The following ARHGEF3 variants were observed in gnomAD, a reference collection of about 807,000 sequenced individuals.
ARHGEF3 encodes 59.8 kDA protein.
ARHGEF3 carries 28 observed loss-of-function variants against 63.2 expected under a neutral mutation model. The ratio of observed to expected loss-of-function variants is 0.44; its 90% CI spans 0.33 to 0.61. The LOEUF (loss-of-function observed/expected upper bound fraction) is 0.61, where lower values mean the gene tolerates loss of function less well. Among genes scored for constraint, ARHGEF3 ranks in the 20% least tolerant of loss-of-function variants. ARHGEF3 has a pLI of 0.03. For missense variants in ARHGEF3, 533 were observed against 659.3 expected, an observed-to-expected ratio of 0.81 and a Z score of 2.10; for synonymous variants, 266 against 254.2, an observed-to-expected ratio of 1.05 and a Z score of -0.44.
chr3:57,043,560 G>C (rs1466081794), intron 1 of ARHGEF3, among the ~76,000 whole-genome samples: 3 of 151,794 alleles, frequency 2.0e-5, no homozygotes, highest in Non-Finnish European at 1.5e-5. Flanking sequence ...ATATACAGTT[G>C]TAAGAGGAAG....
chr3:56,903,087 CACAGAG>C (rs1560036264), intron 3 of ARHGEF3, among the ~76,000 whole-genome samples: 1 of 143,194 alleles, frequency 7.0e-6, no homozygotes, highest in Non-Finnish European at 1.6e-5. Context: ...CACACACACA[CACAGAG>C]AGAGAGAGAG....
chr3:57,025,347 C>T (rs1477435032), intron 2 of ARHGEF3, among the ~76,000 whole-genome samples: 2 of 152,156 alleles, frequency 1.3e-5, no homozygotes, highest in Non-Finnish European at 2.9e-5. Context: ...CAATGATCCA[C>T]GATTTACCAA....
At chr3:57,011,604 G>T (rs1341519529) in intron 2 of ARHGEF3, among the ~76,000 whole-genome samples, 1 of 152,072 alleles carries the variant, frequency 6.6e-6, no homozygotes, top group African/African-American at 2.4e-5. Flanking sequence ...CCAACCCAAG[G>T]ATTCAATAGT....
At chr3:57,002,691 C>CA (rs1702302870) in intron 2 of ARHGEF3, among the ~76,000 whole-genome samples, 1 of 148,612 alleles carries the variant, frequency 6.7e-6, no homozygotes, top group African/African-American at 2.5e-5. Flanking sequence ...TTTCGTCACC[C>CA]AGGAATTAAG....
chr3:56,909,783 C>T (rs113656070), intron 3 of ARHGEF3, among the ~76,000 whole-genome samples: 72 of 152,308 alleles, frequency 4.7e-4, no homozygotes, highest in African/African-American at 1.6e-3. Flanking sequence ...ACACAATACA[C>T]ACTCAGTAAA....
intron 1 of ARHGEF3, among the ~76,000 whole-genome samples, chr3:57,077,522 A>G (rs2107434285): frequency 6.6e-6 from 1 of 152,314 alleles, no homozygotes; most frequent in South Asian, 2.1e-4. Context: ...CTAAATTGCC[A>G]AGAAGAAAGA....
intron 3 of ARHGEF3, among the ~76,000 whole-genome samples, chr3:56,923,661 T>C (rs557034000): frequency 1.3e-5 from 2 of 152,316 alleles, no homozygotes; most frequent in Admixed American, 1.3e-4. Context: ...AAGACTTTTA[T>C]GAAAATACCC....
At chr3:56,957,388 A>C (rs915798452) in intron 3 of ARHGEF3, among the ~76,000 whole-genome samples, 1 of 152,246 alleles carries the variant, frequency 6.6e-6, no homozygotes, top group Non-Finnish European at 1.5e-5. Context: ...TTGAAACGCA[A>C]TCTAAAGGTA....
At chr3:56,822,993 G>A (rs549792975) in intron 4 of ARHGEF3, among the ~76,000 whole-genome samples, 1 of 152,262 alleles carries the variant, frequency 6.6e-6, no homozygotes, top group Non-Finnish European at 1.5e-5. Context: ...CATTTTGGTA[G>A]TGGTGTTTCC....
At chr3:56,767,743 T>TTTAG (rs2035789881) in intron 2 of ARHGEF3, among the ~76,000 whole-genome samples, 1 of 151,354 alleles carries the variant, frequency 6.6e-6, no homozygotes. Flanking sequence ...TTTTTCAGTA[T>TTTAG]TTATTTATTT....
In ARHGEF3 at chr3:56,951,887, G is replaced by A. The variant is rs144705933; in HGVS notation, c.129+6936C>T. Reference sequence around the variant, plus strand: ...AACATGTGCTTTGGAATGAGGTGAGGTCAGGTTCGAATCCTAGCTTCACCA... The same window carrying A: ...AACATGTGCTTTGGAATGAGGTGAGATCAGGTTCGAATCCTAGCTTCACCA... On this transcript the variant is annotated intron_variant, in intron 3 of 12. Transcript: ENST00000338458. Among the ~76,000 whole-genome samples, 19 of 152,018 alleles carry A rather than the reference G, an allele frequency of 1.2e-4. 2 individuals are homozygous for A. The highest frequency in any genetic ancestry group is 4.6e-4 in the African/African-American group (19 of 41,334).
At chr3:56,758,003 C>CCATTTG (rs2035182719) in intron 2 of ARHGEF3, among the ~76,000 whole-genome samples, 1 of 150,002 alleles carries the variant, frequency 6.7e-6, no homozygotes, top group African/African-American at 2.4e-5. Flanking sequence ...AATGGCCGGG[C>CCATTTG]GTGGTGGCTC....
At chr3:56,845,764 C>G (rs1461161130) in intron 4 of ARHGEF3, among the ~76,000 whole-genome samples, 2 of 152,332 alleles carry the variant, frequency 1.3e-5, no homozygotes, top group Non-Finnish European at 2.9e-5. Flanking sequence ...AAAACCTTCA[C>G]TGCCTGGAGA....
At chr3:56,850,528 T>TAAACAAAACA (rs146781278) in intron 4 of ARHGEF3, among the ~76,000 whole-genome samples, 17 of 152,248 alleles carry the variant, frequency 1.1e-4, no homozygotes, top group African/African-American at 3.9e-4. Flanking sequence ...AACTCTTGTC[T>TAAACAAAACA]AAACAAAACA....
intron 1 of ARHGEF3, among the ~76,000 whole-genome samples, chr3:56,795,249 T>C (rs971434520): frequency 2.6e-5 from 4 of 152,106 alleles, no homozygotes; most frequent in Non-Finnish European, 5.9e-5. Flanking sequence ...TAAGCAGAGA[T>C]TGAATGGATC....
chr3:56,796,746 C>T (rs900752514), intron 1 of ARHGEF3, among the ~76,000 whole-genome samples: 2 of 152,200 alleles, frequency 1.3e-5, no homozygotes, highest in African/African-American at 4.8e-5. Flanking sequence ...GTACAGACTT[C>T]AGGGTCAACT....
At chr3:56,898,174 G>A (rs1578791098) in intron 3 of ARHGEF3, among the ~76,000 whole-genome samples, 1 of 151,966 alleles carries the variant, frequency 6.6e-6, no homozygotes, top group Non-Finnish European at 1.5e-5. Context: ...CACTGCACCT[G>A]GCCTGTATCT....
At position 57,031,107 on chromosome 3, in the gene ARHGEF3, C is replaced by T. The variant is rs571796142; in HGVS notation, c.62+3981G>A. On this transcript the variant is annotated intron_variant, in intron 2 of 12. Coordinates refer to the ARHGEF3 transcript ENST00000338458. Reference sequence around the variant, plus strand: ...AGGTCCACCCTATCTTGTTACTCCACCCCTTTTACTCATTGGTCTAGAAAT... The same window carrying T: ...AGGTCCACCCTATCTTGTTACTCCATCCCTTTTACTCATTGGTCTAGAAAT... Among the ~76,000 whole-genome samples the T allele has an allele frequency of 4.7e-4, 72 of 152,290 alleles. No individual in the cohort carries two copies. In the Middle Eastern group the frequency reaches 0.017, roughly 36 times the overall value.
intron 1 of ARHGEF3, among the ~76,000 whole-genome samples, chr3:56,786,106 A>T (rs902973614): frequency 1.3e-5 from 2 of 152,184 alleles, no homozygotes; most frequent in African/African-American, 4.8e-5. Context: ...CCACACTTAG[A>T]ACCAGGGGAC....
Sources: allele counts gnomAD v4.1 joint callset (sites outside exome capture counted in the v4.1 genomes callset), GRCh38; gene constraint gnomAD v4.1.1; transcripts MANE v1.5; gene names NCBI Gene and HGNC (gene_info 2026-07-23, HGNC 2026-07-21).